The following HEBP2 variants were observed in gnomAD, a reference collection of about 807,000 sequenced individuals.
HEBP2 encodes heme binding protein 2.
Under a neutral mutation model 23.1 loss-of-function variants are expected in HEBP2, and 27 were observed. The ratio of observed to expected loss-of-function variants is 1.17; its 90% CI spans 0.86 to 1.61. HEBP2 has a LOEUF of 1.61. HEBP2 is among the 40% of genes most tolerant of loss of function. The pLI is 0.00. For synonymous variants in HEBP2, 99 were observed against 95.1 expected (o/e 1.04, Z -0.24); for missense variants, 245 against 253.8 (o/e 0.97, Z 0.24).
At chr6:138,408,729 G>A (rs1289845933) in intron 3 of HEBP2, among the ~76,000 whole-genome samples, 1 of 142,058 alleles carries the variant, frequency 7.0e-6, no homozygotes, top group African/African-American at 3.1e-5. Flanking sequence ...CTTTACCTCC[G>A]TTGGCTCCTC....
chr6:138,412,222 C>T (rs1227427511), intron 3 of HEBP2: 1 of 348,624 alleles, frequency 2.9e-6, no homozygotes, highest in Admixed American at 4.2e-5. Flanking sequence ...AGGCCCCACC[C>T]CAGACCTGAA....
rs1774892150 is a variant in HEBP2 at position 138,419,845 on chromosome 6, C to A, written c.*6767C>A. 1 of 152,208 alleles carries A rather than the reference C, an allele frequency of 6.6e-6. No homozygotes were observed. The highest frequency in any genetic ancestry group is 2.4e-5 in the African/African-American group (1 of 41,446). 9.4% of individuals were successfully genotyped at this position (152,208 alleles called of 1,614,324 possible). A position where few individuals can be genotyped will look rare whatever the true frequency, so the allele number is the denominator to read the frequency against. On this transcript the variant is annotated 3_prime_UTR_variant, in exon 4 of 4. Transcript: ENST00000607197. ...CTACAGCATCAGAAGTCCTAGTTCT[C>A]AGAGACTGTATACCTTCTCTAGGCA...
chr6:138,406,815 C>T (rs1392025876), intron 3 of HEBP2, among the ~76,000 whole-genome samples: 2 of 152,072 alleles, frequency 1.3e-5, no homozygotes, highest in Admixed American at 6.5e-5. Context: ...TCACTTGAGC[C>T]TGGGAGTTAG....
At chr6:138,410,631 C>T (rs1774729924) in intron 3 of HEBP2, among the ~76,000 whole-genome samples, 1 of 152,020 alleles carries the variant, frequency 6.6e-6, no homozygotes, top group African/African-American at 2.4e-5. Context: ...TACAGTCACC[C>T]CTCCTCACTA....
Position 138,412,808 on chromosome 6 carries a change from C to T in HEBP2, c.420-72C>T, listed in dbSNP as rs548804087. ...ACTCAGCATTCACGGTACTAGCGCC[C>T]GCTTTTTGCTTCAGACTGACATTCA... On this transcript the variant is annotated intron_variant, in intron 3 of 3. Coordinates refer to ENST00000607197, the MANE Select transcript of HEBP2 (RefSeq NM_014320.3). 13 of 1,344,338 alleles carry T rather than the reference C, an allele frequency of 9.7e-6. No homozygotes were observed. In the East Asian group the frequency reaches 1.2e-4, roughly 12 times the overall value. The allele number at this position is 1,344,338 out of a possible 1,614,324, so 83.3% of individuals were successfully genotyped here. A position where few individuals can be genotyped will look rare whatever the true frequency, so the allele number is the denominator to read the frequency against.
Position 138,420,452 on chromosome 6 carries a change from T to G in HEBP2, c.*7374T>G, listed in dbSNP as rs1774903449. 1 of 152,120 alleles carries G rather than the reference T, an allele frequency of 6.6e-6. No homozygotes were observed. Among genetic ancestry groups the G allele is most frequent in the African/African-American group, 2.4e-5 (1 of 41,392 alleles). 9.4% of individuals were successfully genotyped at this position (152,120 alleles called of 1,614,324 possible). ...ATGGCAGGCATAGAGCGGTGCCACT[T>G]AGATCCCCCTTCAAGACAAGATATG... On this transcript the variant is annotated 3_prime_UTR_variant, in exon 4 of 4. Coordinates refer to ENST00000607197, the MANE Select transcript of HEBP2 (RefSeq NM_014320.3).
At chr6:138,409,604 C>G (rs2114769061) in intron 3 of HEBP2, among the ~76,000 whole-genome samples, 1 of 152,336 alleles carries the variant, frequency 6.6e-6, no homozygotes, top group Non-Finnish European at 1.5e-5. Context: ...TGCAAGCCGT[C>G]TTCCCTGCCA....
intron 2 of HEBP2, among the ~76,000 whole-genome samples, 184 bp downstream of exon 2, chr6:138,405,464 C>T (rs576425431): frequency 2.6e-5 from 4 of 152,320 alleles, no homozygotes; most frequent in African/African-American, 9.6e-5. Flanking sequence ...TTTTCAACCT[C>T]TGTTCTCTGA....
intron 1 of HEBP2, 83 bp downstream of exon 1, chr6:138,404,680 G>C: frequency 1.1e-6 from 1 of 897,002 alleles, no homozygotes; most frequent in Non-Finnish European, 1.5e-6. Flanking sequence ...ATAGAGTTAA[G>C]TAAAAAGTAC....
rs371974112 is a variant in HEBP2 at position 138,405,992 on chromosome 6, C to T, written c.260C>T (p.Ala87Val). The T allele has an allele frequency of 4.3e-5, 70 of 1,612,810 alleles. No individual in the cohort carries two copies. The highest frequency in any genetic ancestry group is 1.8e-4 in the Admixed American group (11 of 59,748). The change falls in exon 3 of 4, where the codon GCT (alanine) becomes GTT (valine). Residue 87 changes from alanine to valine, a missense_variant. Physicochemically the swap from Ala to Val is moderately conservative, Grantham distance 64. Transcript: ENST00000607197. ...ACAGAGATGAAAATAAAGATGACAG[C>T]TCCAGTGACAAGCTACGTGGAGCCT... ...NEKEMKIKMT[A>V]PVTSYVEPGS...
chr6:138,403,576 T>C (rs1774573882), upstream of HEBP2: 2 of 463,476 alleles, frequency 4.3e-6, no homozygotes, highest in Non-Finnish European at 7.7e-6. Context: ...GGGAGTCCTC[T>C]GGGGGGCGCC....
At chr6:138,405,633 C>T (rs957914664) in intron 2 of HEBP2, among the ~76,000 whole-genome samples, 1 of 152,198 alleles carries the variant, frequency 6.6e-6, no homozygotes, top group Non-Finnish European at 1.5e-5. Context: ...TCTGGCTTTG[C>T]TGCTATTTAT....
upstream of HEBP2, chr6:138,403,801 C>T (rs576482536): frequency 2.5e-6 from 1 of 401,102 alleles, no homozygotes; most frequent in South Asian, 1.3e-4. Flanking sequence ...GGGGTCCTGT[C>T]GGGGAAAAGT....
Position 138,418,147 on chromosome 6 carries a change from A to G in HEBP2, c.*5069A>G, listed in dbSNP as rs1329868726. On this transcript the variant is annotated 3_prime_UTR_variant, in exon 4 of 4. Coordinates refer to ENST00000607197, the MANE Select transcript of HEBP2 (RefSeq NM_014320.3). ...CATTCAGTAAAAAATTACTGGAAAC[A>G]GAGAAATATAAATTATGGCCCATAA... is the stretch of plus-strand genomic sequence containing the variant. The G allele has an allele frequency of 1.3e-5, 2 of 152,260 alleles. No homozygotes were observed. Among genetic ancestry groups the G allele is most frequent in the Non-Finnish European group, 2.9e-5 (2 of 68,040 alleles). 9.4% of individuals were successfully genotyped at this position (152,260 alleles called of 1,614,324 possible). A position where few individuals can be genotyped will look rare whatever the true frequency, so the allele number is the denominator to read the frequency against.
chr6:138,407,041 T>C (rs779680606), intron 3 of HEBP2, among the ~76,000 whole-genome samples: 13 of 152,054 alleles, frequency 8.5e-5, no homozygotes, highest in Non-Finnish European at 1.8e-4. Flanking sequence ...AAAAGAAAAA[T>C]GTATATATGA....
chr6:138,413,788 G>A lies in HEBP2; in HGVS notation c.*710G>A, dbSNP rs1774794392. ...CCAAGCACTCTGCTAAGGACTGGGA[G>A]GTGGTGGTAAGAAAACCTGTGTCCC... On this transcript the variant is annotated 3_prime_UTR_variant, in exon 4 of 4. Transcript: ENST00000607197. 6.6e-6 allele frequency: 1 copy of A among 152,232 alleles called. No homozygotes were observed. Among genetic ancestry groups the A allele is most frequent in the African/African-American group, 2.4e-5 (1 of 41,464 alleles). The allele number at this position is 152,232 out of a possible 1,614,324, so 9.4% of individuals were successfully genotyped here.
At chr6:138,409,369 ACAAT>A (rs1183536337) in intron 3 of HEBP2, among the ~76,000 whole-genome samples, 1 of 151,716 alleles carries the variant, frequency 6.6e-6, no homozygotes, top group Non-Finnish European at 1.5e-5. Flanking sequence ...AATGTTCCTG[ACAAT>A]TGATTGTCAA....
At chr6:138,408,946 G>C (rs1240547071) in intron 3 of HEBP2, among the ~76,000 whole-genome samples, 1 of 152,048 alleles carries the variant, frequency 6.6e-6, no homozygotes, top group Admixed American at 6.6e-5. Flanking sequence ...CTAAAAATGA[G>C]CCTTTGCCCA....
rs1774918427 is a variant in HEBP2 at position 138,420,994 on chromosome 6, A to G, written c.*7916A>G. ...TTCCCCCATTGCTGAACAAATGACT[A>G]CAGATTGCTCTACCTCTTGTTCTGT... On this transcript the variant is annotated 3_prime_UTR_variant, in exon 4 of 4. Coordinates refer to ENST00000607197, the MANE Select transcript of HEBP2 (RefSeq NM_014320.3). 1 of 152,218 alleles carries G rather than the reference A, an allele frequency of 6.6e-6. No homozygotes were observed. Among genetic ancestry groups the G allele is most frequent in the Non-Finnish European group, 1.5e-5 (1 of 68,062 alleles). The allele number at this position is 152,218 out of a possible 1,614,324, so 9.4% of individuals were successfully genotyped here.
Sources: gnomAD v4.1 joint callset for allele counts (sites outside exome capture counted in the v4.1 genomes callset) on GRCh38, gnomAD v4.1.1 for gene constraint, MANE v1.5 for transcripts, NCBI Gene and HGNC (gene_info 2026-07-23, HGNC 2026-07-21) for gene names.